Variants in GALNT10 observed in about 807,000 individuals in gnomAD.
GALNT10 encodes the protein polypeptide N-acetylgalactosaminyltransferase 10, also known as GalNAc transferase 10.
A neutral mutation model predicts 75.0 loss-of-function variants in GALNT10; 41 were observed. That is an observed-to-expected ratio of 0.55 (90% confidence interval 0.43 to 0.71). GALNT10 has a LOEUF of 0.71. Ranked by LOEUF, GALNT10 falls within the 30% of genes least tolerant of loss-of-function variation. The pLI is 0.00. For missense variants in GALNT10, 727 were observed against 818.5 expected, an observed-to-expected ratio of 0.89 and a Z score of 1.36; for synonymous variants, 302 against 313.0, an observed-to-expected ratio of 0.96 and a Z score of 0.37.
intron 1 of GALNT10, among the ~76,000 whole-genome samples, chr5:154,195,026 G>C (rs1171249901): frequency 6.6e-6 from 1 of 152,196 alleles, no homozygotes; most frequent in African/African-American, 2.4e-5. Context: ...CTTTTCTCAG[G>C]CTGTAGTCTA....
intron 3 of GALNT10, among the ~76,000 whole-genome samples, chr5:154,316,137 C>T (rs1436231441): frequency 2.0e-5 from 3 of 152,128 alleles, no homozygotes; most frequent in African/African-American, 7.2e-5. Context: ...CTTGAAGATC[C>T]CACTTCTCTA....
At chr5:154,319,647 C>T (rs1252348933) in intron 3 of GALNT10, among the ~76,000 whole-genome samples, 1 of 152,214 alleles carries the variant, frequency 6.6e-6, no homozygotes, top group African/African-American at 2.4e-5. Flanking sequence ...TATTGCCTGG[C>T]CCACAGTGGT....
chr5:154,323,258 G>C (rs1264588116), intron 3 of GALNT10, among the ~76,000 whole-genome samples: 2 of 152,212 alleles, frequency 1.3e-5, no homozygotes, highest in East Asian at 3.9e-4. Flanking sequence ...TGTAGTCCCA[G>C]CTACTCAGGA....
intron 2 of GALNT10, among the ~76,000 whole-genome samples, 161 bp downstream of exon 2, chr5:154,295,079 C>T (rs1271659683): frequency 6.6e-6 from 1 of 152,072 alleles, no homozygotes; most frequent in Non-Finnish European, 1.5e-5. Context: ...CCATCCCTTC[C>T]CCTGATTCCC....
intron 1 of GALNT10, among the ~76,000 whole-genome samples, chr5:154,204,530 C>T (rs913295967): frequency 3.3e-5 from 5 of 152,258 alleles, no homozygotes; most frequent in Non-Finnish European, 2.9e-5. Flanking sequence ...TCGTCTGGCC[C>T]TGCTTACCCT....
intron 1 of GALNT10, among the ~76,000 whole-genome samples, chr5:154,279,723 G>A (rs1183424433): frequency 6.6e-6 from 1 of 151,884 alleles, no homozygotes; most frequent in Non-Finnish European, 1.5e-5. Context: ...TGGGACTATA[G>A]GAATGTGCCA....
chr5:154,191,033 C>A lies in GALNT10; in HGVS notation c.159+8C>A. On this transcript the variant is annotated splice_region_variant and intron_variant, in intron 1 of 11. Transcript: ENST00000297107. ...GCGCCGGCGGCGGGACAGGTGAGTC[C>A]CCCCGTTGCTACAGGCCGGGAACAC... The A allele has an allele frequency of 7.1e-7, 1 of 1,414,770 alleles. No homozygotes were observed. 87.6% of individuals were successfully genotyped at this position (1,414,770 alleles called of 1,614,324 possible). A position where few individuals can be genotyped will look rare whatever the true frequency, so the allele number is the denominator to read the frequency against.
chr5:154,224,826 G>A (rs552335099), intron 1 of GALNT10, among the ~76,000 whole-genome samples: 1 of 147,608 alleles, frequency 6.8e-6, no homozygotes, highest in Non-Finnish European at 1.5e-5. Flanking sequence ...TGTCTCCCAG[G>A]TTAGAGTGCA....
chr5:154,380,339 A>G lies in GALNT10; in HGVS notation c.755-109A>G, dbSNP rs555694860. On this transcript the variant is annotated intron_variant, in intron 5 of 11. Coordinates refer to ENST00000297107, the MANE Select transcript of GALNT10 (RefSeq NM_198321.4). The stretch of plus-strand genomic sequence containing the variant: ...TCCCTTCCCCTCCATGGATTGTCAA[A>G]CTGAGGGTTCAGAGATGTTAAAAAT... 129 of 872,012 alleles carry G rather than the reference A, an allele frequency of 1.5e-4. 1 individual carries two copies. In the African/African-American group the frequency reaches 2.0e-3, roughly 14 times the overall value. 54.0% of individuals were successfully genotyped at this position (872,012 alleles called of 1,614,324 possible).
intron 1 of GALNT10, among the ~76,000 whole-genome samples, chr5:154,275,045 C>T (rs1753928337): frequency 6.6e-6 from 1 of 152,210 alleles, no homozygotes; most frequent in South Asian, 2.1e-4. Flanking sequence ...GACACTGGCT[C>T]ATTCCATGAC....
At chr5:154,248,784 C>T (rs1050035667) in intron 1 of GALNT10, among the ~76,000 whole-genome samples, 1 of 152,102 alleles carries the variant, frequency 6.6e-6, no homozygotes, top group Non-Finnish European at 1.5e-5. Flanking sequence ...TTAACTGCTG[C>T]GCCTCACCAT....
Position 154,376,549 on chromosome 5 carries a change from A to G in GALNT10, c.754+87A>G. On this transcript the variant is annotated intron_variant, in intron 5 of 11. Coordinates refer to ENST00000297107, the MANE Select transcript of GALNT10 (RefSeq NM_198321.4). The surrounding 1 kb of genome is among the most constrained non-coding windows in gnomAD (Gnocchi z 4.1). ...CTCCTGCTGCAGGGAGCCATCCATA[A>G]GCCTTCCCTTGCCTGTTCGAGATGC... The G allele has an allele frequency of 1.1e-6, 1 of 950,104 alleles. No homozygotes were observed. Among genetic ancestry groups the G allele is most frequent in the Non-Finnish European group, 1.6e-6 (1 of 637,296 alleles). 58.9% of individuals were successfully genotyped at this position (950,104 alleles called of 1,614,324 possible).
At chr5:154,231,013 C>T (rs1306283270) in intron 1 of GALNT10, among the ~76,000 whole-genome samples, 3 of 152,218 alleles carry the variant, frequency 2.0e-5, no homozygotes, top group Non-Finnish European at 4.4e-5. Context: ...CTTCTGAGGA[C>T]GCCACGAACC....
At chr5:154,263,676 C>T (rs574575990) in intron 1 of GALNT10, among the ~76,000 whole-genome samples, 35 of 152,264 alleles carry the variant, frequency 2.3e-4, no homozygotes, top group Non-Finnish European at 1.0e-4. Context: ...AGTTCGTAGA[C>T]GGTGCCTTCT....
At chr5:154,345,062 G>A (rs1755099880) in intron 4 of GALNT10, among the ~76,000 whole-genome samples, 1 of 152,186 alleles carries the variant, frequency 6.6e-6, no homozygotes, top group Admixed American at 6.5e-5. Context: ...CCAGCAGCAG[G>A]TATGGACACT....
At chr5:154,364,944 G>C (rs2113159756) in intron 4 of GALNT10, among the ~76,000 whole-genome samples, 1 of 152,254 alleles carries the variant, frequency 6.6e-6, no homozygotes, top group Non-Finnish European at 1.5e-5. Context: ...GAAAACAGAG[G>C]AGGCTGTAAT....
chr5:154,261,830 A>T (rs754573970), intron 1 of GALNT10, among the ~76,000 whole-genome samples: 4 of 152,216 alleles, frequency 2.6e-5, no homozygotes, highest in African/African-American at 9.6e-5. Flanking sequence ...CGATTGTGCC[A>T]TCAGGGTCTA....
At chr5:154,395,506 T>C (rs1755997161) in intron 7 of GALNT10, among the ~76,000 whole-genome samples, 1 of 152,236 alleles carries the variant, frequency 6.6e-6, no homozygotes, top group Non-Finnish European at 1.5e-5. Flanking sequence ...AAATGTTCGC[T>C]AAATGATAGC....
At chr5:154,353,224 T>C (rs1056839007) in intron 4 of GALNT10, among the ~76,000 whole-genome samples, 1 of 152,172 alleles carries the variant, frequency 6.6e-6, no homozygotes, top group Non-Finnish European at 1.5e-5. Context: ...GAATTCTGTT[T>C]ATGTTTTGGG....
Sources: gnomAD v4.1 joint callset for allele counts (sites outside exome capture counted in the v4.1 genomes callset) on GRCh38, gnomAD v4.1.1 for gene constraint, Gnocchi (gnomAD v3.1) non-coding constraint, MANE v1.5 for transcripts, NCBI Gene and HGNC (gene_info 2026-07-23, HGNC 2026-07-21) for gene names.